The following SPIDR variants were observed in gnomAD, a reference collection of about 807,000 sequenced individuals.
SPIDR encodes the protein DNA repair-scaffolding protein.
SPIDR carries 93 observed loss-of-function variants against 104.6 expected under a neutral mutation model. The observed-to-expected ratio is 0.89, with a 90% CI of 0.75 to 1.06. The LOEUF (loss-of-function observed/expected upper bound fraction) is 1.06. Ranked by LOEUF, SPIDR falls within the 50% of genes least tolerant of loss-of-function variation. The pLI is 0.00. For synonymous variants in SPIDR, 431 were observed against 416.9 expected (o/e 1.03, Z -0.41); for missense variants, 1,154 against 1,111.2 (o/e 1.04, Z -0.55).
At chr8:47,579,106 T>G (rs1246476623) in intron 8 of SPIDR, among the ~76,000 whole-genome samples, 1 of 152,200 alleles carries the variant, frequency 6.6e-6, no homozygotes, top group East Asian at 1.9e-4. Flanking sequence ...AGTCACTAAA[T>G]GGCTGGGAAG....
chr8:47,539,818 C>T (rs548560537), intron 8 of SPIDR, among the ~76,000 whole-genome samples: 2 of 152,044 alleles, frequency 1.3e-5, no homozygotes, highest in Non-Finnish European at 2.9e-5. Context: ...GTGAGACCTG[C>T]AGCCTTGTTA....
intron 8 of SPIDR, among the ~76,000 whole-genome samples, chr8:47,526,372 G>A (rs553607257): frequency 1.3e-5 from 2 of 152,170 alleles, no homozygotes; most frequent in Admixed American, 1.3e-4. Flanking sequence ...CTACCTTACT[G>A]TTACTTTGCT....
At chr8:47,341,054 TG>T (rs1280777883) in intron 5 of SPIDR, among the ~76,000 whole-genome samples, 12 of 152,174 alleles carry the variant, frequency 7.9e-5, no homozygotes, top group South Asian at 4.1e-4. Flanking sequence ...CCAGTCAGCT[TG>T]GGGGGGATGC....
chr8:47,531,300 C>T (rs1486503460), intron 8 of SPIDR, among the ~76,000 whole-genome samples: 6 of 152,234 alleles, frequency 3.9e-5, no homozygotes, highest in South Asian at 2.1e-4. Flanking sequence ...TCTACCTCTA[C>T]AACTTGTCCC....
intron 8 of SPIDR, among the ~76,000 whole-genome samples, chr8:47,466,613 C>G (rs1248337226): frequency 1.3e-5 from 2 of 151,878 alleles, no homozygotes; most frequent in African/African-American, 4.8e-5. Context: ...GTAATCCCAG[C>G]ACTTTGGGAG....
At chr8:47,619,138 G>C (rs2064767803) in intron 10 of SPIDR, among the ~76,000 whole-genome samples, 1 of 152,128 alleles carries the variant, frequency 6.6e-6, no homozygotes, top group African/African-American at 2.4e-5. Context: ...ACAGAGTCCT[G>C]GCCAGCTTTA....
Position 47,293,851 on chromosome 8 carries a change from A to G in SPIDR, c.362-16A>G, listed in dbSNP as rs1250280707. The G allele has an allele frequency of 3.8e-6, 6 of 1,596,812 alleles. No individual in the cohort carries two copies. The highest frequency in any genetic ancestry group is 4.3e-6 in the Non-Finnish European group (5 of 1,169,744). ...TTAAGGAGATAATTAAGCAAGTTAA[A>G]AATTATATTTTTTAGATGAATTACA... On this transcript the variant is annotated splice_polypyrimidine_tract_variant and intron_variant, in intron 4 of 19. Coordinates refer to ENST00000297423, the MANE Select transcript of SPIDR (RefSeq NM_001080394.4).
At chr8:47,730,396 C>T (rs2085010379) in intron 19 of SPIDR, among the ~76,000 whole-genome samples, 2 of 152,236 alleles carry the variant, frequency 1.3e-5, no homozygotes, top group African/African-American at 4.8e-5. Flanking sequence ...ACCAGCCACT[C>T]AGTGGCCCCT....
At chr8:47,636,914 G>A (rs769887375) in intron 10 of SPIDR, among the ~76,000 whole-genome samples, 30 of 151,976 alleles carry the variant, frequency 2.0e-4, no homozygotes, top group Non-Finnish European at 3.7e-4. Context: ...TGAGAGTACT[G>A]TTCCTTCTGA....
At chr8:47,664,924 A>C (rs2074698611) in intron 10 of SPIDR, among the ~76,000 whole-genome samples, 2 of 151,840 alleles carry the variant, frequency 1.3e-5, no homozygotes, top group Admixed American at 6.6e-5. Flanking sequence ...AAGATTATGC[A>C]ATCTGAAAGG....
chr8:47,419,231 G>C (rs1422361820), intron 7 of SPIDR: 1 of 152,208 alleles, frequency 6.6e-6, no homozygotes, highest in African/African-American at 2.4e-5. Context: ...GAATTCGGCT[G>C]TGAATCCATC....
intron 8 of SPIDR, among the ~76,000 whole-genome samples, chr8:47,528,635 C>A (rs571762232): frequency 2.0e-5 from 3 of 151,786 alleles, no homozygotes; most frequent in African/African-American, 7.3e-5. Flanking sequence ...TCCTAGAAAC[C>A]GAAGGCACCA....
At chr8:47,695,358 T>C (rs917893411) in intron 11 of SPIDR, among the ~76,000 whole-genome samples, 1 of 152,060 alleles carries the variant, frequency 6.6e-6, no homozygotes, top group East Asian at 1.9e-4. Flanking sequence ...GAACATTTTA[T>C]ACCCAGAATA....
At chr8:47,642,428 A>G (rs945721319) in intron 10 of SPIDR, among the ~76,000 whole-genome samples, 5 of 151,872 alleles carry the variant, frequency 3.3e-5, no homozygotes, top group African/African-American at 1.2e-4. Context: ...AAAAAAAAAA[A>G]AAAAGAAAAA....
intron 8 of SPIDR, among the ~76,000 whole-genome samples, chr8:47,537,624 T>A (rs577967977): frequency 1.3e-5 from 2 of 152,136 alleles, no homozygotes; most frequent in African/African-American, 4.8e-5. Flanking sequence ...ACTGTAATGG[T>A]GGACACGTGT....
At chr8:47,660,391 G>A (rs1211407186) in intron 10 of SPIDR, 19 of 910,262 alleles carry the variant, frequency 2.1e-5, no homozygotes, top group Admixed American at 1.2e-4. Flanking sequence ...AATGCACTGT[G>A]GAATGTGGTT....
chr8:47,433,361 C>A (rs1422918344), intron 7 of SPIDR, among the ~76,000 whole-genome samples: 1 of 152,178 alleles, frequency 6.6e-6, no homozygotes. Flanking sequence ...TGCTGGCTTC[C>A]CATCACACCC....
At chr8:47,392,233 A>G (rs1290541996) in intron 5 of SPIDR, among the ~76,000 whole-genome samples, 3 of 152,108 alleles carry the variant, frequency 2.0e-5, no homozygotes, top group African/African-American at 7.2e-5. Flanking sequence ...AGTTAAATAA[A>G]TTCCCTAAGG....
At chr8:47,511,095 G>A (rs1322428183) in intron 8 of SPIDR, 18 of 1,349,496 alleles carry the variant, frequency 1.3e-5, no homozygotes, top group South Asian at 3.5e-5. Context: ...TCCAGCTCTC[G>A]TCAGCCAGCT....
Sources: allele counts gnomAD v4.1 joint callset (sites outside exome capture counted in the v4.1 genomes callset), GRCh38; gene constraint gnomAD v4.1.1; transcripts MANE v1.5; gene names NCBI Gene and HGNC (gene_info 2026-07-23, HGNC 2026-07-21).